The following HIBADH variants were observed in gnomAD, a reference collection of about 807,000 sequenced individuals.
The protein encoded by HIBADH is 3-hydroxyisobutyrate dehydrogenase, mitochondrial.
A neutral mutation model predicts 36.1 loss-of-function variants in HIBADH; 25 were observed. The observed-to-expected ratio is 0.69, with a 90% confidence interval of 0.50 to 0.97. The LOEUF (loss-of-function observed/expected upper bound fraction) is 0.97, where lower values mean the gene tolerates loss of function less well. Among genes scored for constraint, HIBADH ranks in the 50% least tolerant of loss-of-function variants. The pLI is 0.00. For synonymous variants in HIBADH, 160 were observed against 149.5 expected (o/e 1.07, Z -0.51); for missense variants, 421 against 418.0 (o/e 1.01, Z -0.06).
intron 2 of HIBADH, chr7:27,647,902 G>A (rs1364846240): frequency 5.9e-6 from 1 of 170,826 alleles, no homozygotes; most frequent in African/African-American, 2.4e-5. Flanking sequence ...AACGTAAAAG[G>A]TCACAAGCTT....
chr7:27,632,439 A>G lies in HIBADH; in HGVS notation c.259T>C (p.Ser87Pro). Residue 87 changes from serine to proline, a missense_variant, in exon 3 of 8, where the codon TCT (serine) becomes CCT (proline). Coordinates refer to ENST00000265395, the MANE Select transcript of HIBADH (RefSeq NM_152740.4). The stretch of plus-strand genomic sequence containing the variant: ...TTTTCAGCAACATCTGCTGGGGAAG[A>G]TACTACCTTTAAAAAAAATTGCAAA... Reference protein sequence around the residue: ...EFQDAGEQVVSSPADVAEKAD... With the variant: ...EFQDAGEQVVPSPADVAEKAD... 6.2e-7 allele frequency: 1 copy of G among 1,610,984 alleles called. No homozygotes were observed. The highest frequency in any genetic ancestry group is 8.5e-7 in the Non-Finnish European group (1 of 1,177,378).
chr7:27,550,357 G>T (rs1252249666), intron 4 of HIBADH, among the ~76,000 whole-genome samples: 2 of 152,126 alleles, frequency 1.3e-5, no homozygotes, highest in African/African-American at 2.4e-5. Flanking sequence ...AGGAAGCAAT[G>T]AATTTTCTCT....
chr7:27,630,258 T>A (rs1785724319), intron 3 of HIBADH, among the ~76,000 whole-genome samples: 1 of 152,098 alleles, frequency 6.6e-6, no homozygotes, highest in Non-Finnish European at 1.5e-5. Context: ...CACCTCAGCC[T>A]CCCAAGTAGC....
intron 4 of HIBADH, among the ~76,000 whole-genome samples, chr7:27,616,621 C>T (rs1242421633): frequency 6.6e-6 from 1 of 152,050 alleles, no homozygotes. Flanking sequence ...ACCACCATGC[C>T]CAACTGATTT....
At chr7:27,541,885 G>A (rs557729147) in intron 5 of HIBADH, 15 of 294,608 alleles carry the variant, frequency 5.1e-5, no homozygotes, top group South Asian at 4.4e-4. Context: ...CTCAATACTT[G>A]TAACACTTGA....
chr7:27,533,066 A>G (rs547336193), intron 6 of HIBADH, among the ~76,000 whole-genome samples: 161 of 152,338 alleles, frequency 1.1e-3, no homozygotes, highest in African/African-American at 3.7e-3. Context: ...CATTTGAAAT[A>G]TAATTTCAGG....
intron 4 of HIBADH, among the ~76,000 whole-genome samples, chr7:27,546,873 C>A (rs2128184921): frequency 6.6e-6 from 1 of 152,276 alleles, no homozygotes; most frequent in African/African-American, 2.4e-5. Context: ...ACGGTCTGAG[C>A]TACAGGTAAC....
At chr7:27,586,022 G>A (rs139730356) in intron 4 of HIBADH, among the ~76,000 whole-genome samples, 5 of 152,320 alleles carry the variant, frequency 3.3e-5, no homozygotes, top group South Asian at 2.1e-4. Context: ...CCACCTGGAC[G>A]TGAAGGGGGA....
At chr7:27,531,428 C>T in intron 6 of HIBADH, 80 bp from the exon 7 acceptor site, 2 of 1,225,612 alleles carry the variant, frequency 1.6e-6, no homozygotes, top group South Asian at 3.4e-5. Context: ...TGGGGATGCT[C>T]CATCTTCTCT....
intron 4 of HIBADH, among the ~76,000 whole-genome samples, chr7:27,583,694 C>T (rs1292855290): frequency 2.0e-5 from 3 of 151,864 alleles, no homozygotes; most frequent in African/African-American, 7.2e-5. Context: ...TCCAAGGCCT[C>T]ATCATTTTAA....
At position 27,598,765 on chromosome 7, in the gene HIBADH, G is replaced by A. The variant is rs529340084; in HGVS notation, c.484+30606C>T. Reference sequence around the variant, plus strand: ...GCAAGAGAAATGCAATCTGCACTTTGCAGACCTAGACAGGAATTGCTTCAA... The same window carrying A: ...GCAAGAGAAATGCAATCTGCACTTTACAGACCTAGACAGGAATTGCTTCAA... On this transcript the variant is annotated intron_variant, in intron 4 of 7. Transcript: ENST00000265395. 3.9e-5 allele frequency among the ~76,000 whole-genome samples: 6 copies of A among 152,100 alleles called. No individual in the cohort carries two copies. The East Asian group carries it at 9.7e-4, about 25-fold the overall frequency.
chr7:27,573,770 C>T (rs773128972), intron 4 of HIBADH, among the ~76,000 whole-genome samples: 1 of 152,054 alleles, frequency 6.6e-6, no homozygotes, highest in South Asian at 2.1e-4. Context: ...TTCAGATGTG[C>T]TTTAAGTGTA....
At chr7:27,634,353 T>C (rs944327021) in intron 2 of HIBADH, among the ~76,000 whole-genome samples, 2 of 152,202 alleles carry the variant, frequency 1.3e-5, no homozygotes, top group South Asian at 2.1e-4. Context: ...TTCCATCAAA[T>C]TACAAAGAAA....
At chr7:27,585,184 T>C (rs946329184) in intron 4 of HIBADH, among the ~76,000 whole-genome samples, 1 of 151,992 alleles carries the variant, frequency 6.6e-6, no homozygotes, top group African/African-American at 2.4e-5. Flanking sequence ...TGTGTGTATA[T>C]ATGCACACAC....
chr7:27,612,625 T>C (rs1375414157), intron 4 of HIBADH, among the ~76,000 whole-genome samples: 1 of 151,074 alleles, frequency 6.6e-6, no homozygotes, highest in Non-Finnish European at 1.5e-5. Flanking sequence ...GCCCAGCCTG[T>C]AATCTCTTTC....
At chr7:27,638,319 A>AAAAAAAAAAAAAAAAAAAAAAAAAC (rs1785887825) in intron 2 of HIBADH, among the ~76,000 whole-genome samples, 1 of 148,732 alleles carries the variant, frequency 6.7e-6, no homozygotes, top group Non-Finnish European at 1.5e-5. Flanking sequence ...AAAAAAAAAA[A>AAAAAAAAAAAAAAAAAAAAAAAAAC]AAAAAAAAAA....
chr7:27,607,440 C>T (rs1269489210), intron 4 of HIBADH, among the ~76,000 whole-genome samples: 2 of 152,134 alleles, frequency 1.3e-5, no homozygotes, highest in African/African-American at 2.4e-5. Context: ...ACCCAAGAGA[C>T]GGAGGTTGCC....
chr7:27,643,888 C>T lies in HIBADH; in HGVS notation c.252+5585G>A, dbSNP rs538962872. On this transcript the variant is annotated intron_variant, in intron 2 of 7. Transcript: ENST00000265395. ...CTTCATATGGCCTTCCCCTCTGTGTCTCTGTGTCTTCTTTTCTGTCTCTGG... is the reference window on the plus strand; with the variant it reads ...CTTCATATGGCCTTCCCCTCTGTGTTTCTGTGTCTTCTTTTCTGTCTCTGG... Among the ~76,000 whole-genome samples the T allele has an allele frequency of 7.2e-5, 11 of 152,256 alleles. No individual in the cohort carries two copies. In the South Asian group the frequency reaches 2.1e-3, roughly 29 times the overall value.
At chr7:27,643,978 G>A (rs764762635) in intron 2 of HIBADH, among the ~76,000 whole-genome samples, 40 of 152,134 alleles carry the variant, frequency 2.6e-4, no homozygotes, top group Non-Finnish European at 4.7e-4. Context: ...CTTAACTTTA[G>A]ATCGTCAAAG....
Sources: allele counts gnomAD v4.1 joint callset (sites outside exome capture counted in the v4.1 genomes callset), GRCh38; gene constraint gnomAD v4.1.1; transcripts MANE v1.5; gene names NCBI Gene and HGNC (gene_info 2026-07-23, HGNC 2026-07-21).